DLG2: variants seen among roughly 807,000 people sequenced by gnomAD.
DLG2 encodes the protein disks large homolog 2.
DLG2 carries 45 observed loss-of-function variants against 132.5 expected under a neutral mutation model. The observed-to-expected ratio is 0.34, with a 90% CI of 0.27 to 0.44. DLG2 has a LOEUF of 0.44. Ranked by LOEUF, DLG2 falls within the 20% of genes least tolerant of loss-of-function variation. The pLI is 1.00. For synonymous variants in DLG2, 424 were observed against 419.6 expected, an observed-to-expected ratio of 1.01 and a Z score of -0.13; for missense variants, 1,045 against 1,196.9, an observed-to-expected ratio of 0.87 and a Z score of 1.87.
At chr11:83,724,190 C>T (rs1459176936) in intron 18 of DLG2, among the ~76,000 whole-genome samples, 2 of 152,014 alleles carry the variant, frequency 1.3e-5, no homozygotes, top group African/African-American at 2.4e-5. Context: ...AAACTGAACG[C>T]GTAAAATAAA....
chr11:85,398,981 A>G (rs1227387777), intron 3 of DLG2, among the ~76,000 whole-genome samples: 1 of 152,190 alleles, frequency 6.6e-6, no homozygotes, highest in Non-Finnish European at 1.5e-5. Context: ...GAAAAGAGGA[A>G]GTCAAATTGT....
intron 3 of DLG2, among the ~76,000 whole-genome samples, chr11:85,404,478 T>C (rs1023225856): frequency 3.0e-4 from 45 of 152,098 alleles, no homozygotes; most frequent in African/African-American, 1.1e-3. Flanking sequence ...GTAGGGATTA[T>C]AAAAATTAAT....
chr11:84,824,257 T>C (rs2078057530), intron 6 of DLG2, among the ~76,000 whole-genome samples: 1 of 151,908 alleles, frequency 6.6e-6, no homozygotes, highest in South Asian at 2.1e-4. Context: ...GATAAACATT[T>C]AATGAGGTCC....
At chr11:83,472,536 G>T (rs1019725138) in intron 23 of DLG2, among the ~76,000 whole-genome samples, 191 bp downstream of exon 23, 1 of 152,122 alleles carries the variant, frequency 6.6e-6, no homozygotes, top group Non-Finnish European at 1.5e-5. Flanking sequence ...ATACTCAGCA[G>T]GAAGTTGTCT....
chr11:84,569,950 T>A (rs576019520), intron 6 of DLG2, among the ~76,000 whole-genome samples: 1 of 152,338 alleles, frequency 6.6e-6, no homozygotes, highest in East Asian at 1.9e-4. Flanking sequence ...TAGCAATGCC[T>A]AATTCTAACT....
At chr11:85,548,692 A>T (rs985430957) in intron 3 of DLG2, among the ~76,000 whole-genome samples, 1 of 152,074 alleles carries the variant, frequency 6.6e-6, no homozygotes, top group Non-Finnish European at 1.5e-5. Flanking sequence ...CTGTCCAGAG[A>T]GGAGGGAATC....
At chr11:85,622,554 G>A (rs945423187) in intron 2 of DLG2, among the ~76,000 whole-genome samples, 1 of 149,444 alleles carries the variant, frequency 6.7e-6, no homozygotes, top group African/African-American at 2.5e-5. Flanking sequence ...TAATGTGCAG[G>A]AAACAACAAA....
intron 7 of DLG2, among the ~76,000 whole-genome samples, chr11:84,281,437 C>CT (rs1467377171): frequency 6.6e-6 from 1 of 151,140 alleles, no homozygotes; most frequent in African/African-American, 2.4e-5. Flanking sequence ...TTTTTTTTGT[C>CT]TTTTTTTAAA....
At chr11:84,932,403 T>C (rs1328206504) in intron 6 of DLG2, among the ~76,000 whole-genome samples, 1 of 152,130 alleles carries the variant, frequency 6.6e-6, no homozygotes, top group Non-Finnish European at 1.5e-5. Flanking sequence ...GATTTGATTA[T>C]TTTATGTTCC....
intron 10 of DLG2, among the ~76,000 whole-genome samples, chr11:84,091,920 C>T (rs117399480): frequency 3.1e-4 from 47 of 152,256 alleles, no homozygotes; most frequent in East Asian, 2.1e-3. Context: ...TTACTTAGTA[C>T]GTAAAGGATG....
At chr11:84,130,788 T>C (rs7937268) in intron 9 of DLG2, among the ~76,000 whole-genome samples, 3,886 of 151,894 alleles carry the variant, frequency 0.026, 150 homozygotes, top group African/African-American at 0.088. Context: ...TTTACACTTG[T>C]AAACTTAGAA....
chr11:85,280,334 A>G (rs1200090196), intron 4 of DLG2, among the ~76,000 whole-genome samples: 3 of 152,036 alleles, frequency 2.0e-5, no homozygotes, highest in Non-Finnish European at 4.4e-5. Flanking sequence ...TATGAGGTAG[A>G]CACTATTATT....
intron 6 of DLG2, among the ~76,000 whole-genome samples, chr11:84,815,649 T>G (rs2077011950): frequency 6.6e-6 from 1 of 152,076 alleles, no homozygotes; most frequent in African/African-American, 2.4e-5. Context: ...AGAAAATTAC[T>G]TGAAAATTAA....
intron 7 of DLG2, among the ~76,000 whole-genome samples, chr11:84,494,757 A>G (rs2099175960): frequency 6.6e-6 from 1 of 152,168 alleles, no homozygotes; most frequent in East Asian, 1.9e-4. Context: ...GCAAAGCCAC[A>G]GGATCTAAGT....
chr11:84,939,992 A>G (rs112672950), intron 6 of DLG2, among the ~76,000 whole-genome samples: 8 of 152,120 alleles, frequency 5.3e-5, no homozygotes, highest in African/African-American at 1.9e-4. Context: ...CTTTCTGAGG[A>G]TCCTGCAGAC....
chr11:85,182,626 T>G (rs1595148868), intron 4 of DLG2, among the ~76,000 whole-genome samples: 1 of 151,436 alleles, frequency 6.6e-6, no homozygotes, highest in South Asian at 2.1e-4. Context: ...TGGGGTAGAC[T>G]TATGGGCACG....
chr11:85,344,475 T>C (rs1348229957), intron 3 of DLG2, among the ~76,000 whole-genome samples: 2 of 152,190 alleles, frequency 1.3e-5, no homozygotes, highest in Non-Finnish European at 2.9e-5. Context: ...AGAATTTATA[T>C]GATAACTACT....
intron 6 of DLG2, among the ~76,000 whole-genome samples, chr11:84,775,392 A>G (rs945505199): frequency 6.6e-6 from 1 of 152,188 alleles, no homozygotes; most frequent in Non-Finnish European, 1.5e-5. Flanking sequence ...TTAATACAGA[A>G]CTACTATTCA....
intron 6 of DLG2, among the ~76,000 whole-genome samples, chr11:84,589,495 G>C (rs975871509): frequency 2.0e-5 from 3 of 152,088 alleles, no homozygotes; most frequent in Non-Finnish European, 4.4e-5. Flanking sequence ...CACAGTACTA[G>C]GGGTGGGAGG....
Sources: allele counts gnomAD v4.1 joint callset (sites outside exome capture counted in the v4.1 genomes callset), GRCh38; gene constraint gnomAD v4.1.1; transcripts MANE v1.5; gene names NCBI Gene and HGNC (gene_info 2026-07-23, HGNC 2026-07-21).